TENM3: variants seen among roughly 807,000 people sequenced by gnomAD.
TENM3 encodes teneurin transmembrane protein 3, also known as teneurin-3.
A neutral mutation model predicts 255.1 loss-of-function variants in TENM3; 63 were observed. That is an observed-to-expected ratio of 0.25 (90% CI 0.20 to 0.30). TENM3 has a LOEUF of 0.30. Ranked by LOEUF, TENM3 falls within the 10% of genes least tolerant of loss-of-function variation. The pLI is 1.00. For missense variants in TENM3, 2,929 were observed against 3,461.1 expected, an observed-to-expected ratio of 0.85 and a Z score of 3.86; for synonymous variants, 1,306 against 1,322.3, an observed-to-expected ratio of 0.99 and a Z score of 0.27.
rs868242106 is a variant in TENM3, at chr4:182,161,654, C to G, written c.-76+16900C>G. Among the ~76,000 whole-genome samples, 201 of 77,668 alleles carry G rather than the reference C, an allele frequency of 2.6e-3. 4 individuals are homozygous for G. Among genetic ancestry groups the G allele is most frequent in the African/African-American group, 0.01 (185 of 18,108 alleles). 51.0% of individuals were successfully genotyped at this position (77,668 alleles called of 152,430 possible). ...ATATATATATGTATATATATATATA[C>G]ACACACACAAATATATATATGTATA... On this transcript the variant is annotated intron_variant, in intron 1 of 2. Coordinates refer to the TENM3 transcript ENST00000512480.
rs1366179856 is a variant in TENM3, at chr4:182,597,892, T to C, written c.512-3032T>C. On this transcript the variant is annotated intron_variant, in intron 3 of 27. Coordinates refer to ENST00000511685, the MANE Select transcript of TENM3 (RefSeq NM_001080477.4). Reference sequence around the variant, plus strand: ...TGGTCTGGTGCAGAATTTAAATTTCTGTCCAGGCCAGGCACAGTGGCTCAT... The same window carrying C: ...TGGTCTGGTGCAGAATTTAAATTTCCGTCCAGGCCAGGCACAGTGGCTCAT... 3.9e-5 allele frequency among the ~76,000 whole-genome samples: 6 copies of C among 152,332 alleles called. No homozygotes were observed. In the East Asian group the frequency reaches 9.7e-4, roughly 25 times the overall value.
At chr4:181,640,955 T>C in the TENM3 span, among the ~76,000 whole-genome samples, 2 of 152,188 alleles carry the variant, frequency 1.3e-5, no homozygotes, top group African/African-American at 4.8e-5. Flanking sequence ...GCTACTTCTT[T>C]TGAAAGGGTG....
At chr4:182,455,553 CTTTTTTTTT>C (rs568361419) in intron 3 of TENM3, among the ~76,000 whole-genome samples, 1 of 73,138 alleles carries the variant, frequency 1.4e-5, no homozygotes, top group Non-Finnish European at 2.5e-5. Flanking sequence ...CATGGTATTT[CTTTTTTTTT>C]TTTTTTTTTT....
chr4:181,643,044 A>C, the TENM3 span, among the ~76,000 whole-genome samples: 1 of 152,288 alleles, frequency 6.6e-6, no homozygotes, highest in East Asian at 1.9e-4. Context: ...CTGTAAAGAA[A>C]GTTAATGGTA....
At chr4:181,486,016 A>AG in the TENM3 span, among the ~76,000 whole-genome samples, 2 of 130,886 alleles carry the variant, frequency 1.5e-5, no homozygotes, top group Non-Finnish European at 3.4e-5. Flanking sequence ...AAAACTTGAG[A>AG]GAAAAAAAAA....
At chr4:182,761,508 C>T (rs1373050946) in intron 22 of TENM3, among the ~76,000 whole-genome samples, 2 of 151,984 alleles carry the variant, frequency 1.3e-5, no homozygotes, top group Non-Finnish European at 2.9e-5. Flanking sequence ...GCCATCCAAC[C>T]CTAAAAACTG....
At chr4:182,233,610 G>A (rs890129043) in intron 1 of TENM3, among the ~76,000 whole-genome samples, 4 of 152,170 alleles carry the variant, frequency 2.6e-5, no homozygotes, top group African/African-American at 9.6e-5. Context: ...TCTTTCTCTA[G>A]CATATATTTC....
rs1286031914 is a variant in TENM3 at position 182,446,590 on chromosome 4, A to AT, written c.511+99666dup. Among the ~76,000 whole-genome samples the AT allele has an allele frequency of 4.0e-5, 6 of 149,850 alleles. No individual in the cohort carries two copies. The East Asian group carries it at 1.2e-3, about 29-fold the overall frequency. ...GTGGTTGTCAAAAATCAAGGAGTGC[A>AT]TTTTTGAAGCATAGACAAGCCCCCA... On this transcript the variant is annotated intron_variant, in intron 3 of 27. Coordinates refer to ENST00000511685, the MANE Select transcript of TENM3 (RefSeq NM_001080477.4).
chr4:182,571,662 TC>T (rs2152021285), intron 3 of TENM3, among the ~76,000 whole-genome samples: 1 of 152,352 alleles, frequency 6.6e-6, no homozygotes, highest in South Asian at 2.1e-4. Flanking sequence ...GATTAGATTT[TC>T]CTGATAATAC....
the TENM3 span, among the ~76,000 whole-genome samples, chr4:181,502,708 T>C: frequency 1.3e-5 from 2 of 152,052 alleles, no homozygotes; most frequent in Admixed American, 6.6e-5. Flanking sequence ...ACCTGACCCA[T>C]AGGGAAAGAG....
the TENM3 span, among the ~76,000 whole-genome samples, chr4:181,595,830 T>C: frequency 1.3e-5 from 2 of 152,118 alleles, no homozygotes; most frequent in Admixed American, 1.3e-4. Flanking sequence ...TGGAACTCCA[T>C]TCTCTCAAAT....
the TENM3 span, among the ~76,000 whole-genome samples, chr4:182,134,267 C>T: frequency 6.6e-6 from 1 of 152,084 alleles, no homozygotes; most frequent in Admixed American, 6.5e-5. Context: ...ACTCTTGAGG[C>T]AAGATTCTAG....
chr4:181,961,864 T>C, the TENM3 span, among the ~76,000 whole-genome samples: 12 of 152,348 alleles, frequency 7.9e-5, no homozygotes, highest in African/African-American at 2.6e-4. Context: ...CTACTGCTGC[T>C]AAGTTTTACT....
the TENM3 span, among the ~76,000 whole-genome samples, chr4:182,107,803 G>C: frequency 6.6e-6 from 1 of 152,256 alleles, no homozygotes; most frequent in African/African-American, 2.4e-5. Context: ...AACTTCAAGA[G>C]GGGTTCAGTC....
Position 182,802,023 on chromosome 4 carries a change from CATGTCGTAAATATA to C in TENM3, c.*1674_*1687del, listed in dbSNP as rs1767009069. On this transcript the variant is annotated 3_prime_UTR_variant, in exon 28 of 28. Coordinates refer to ENST00000511685, the MANE Select transcript of TENM3 (RefSeq NM_001080477.4). The stretch of plus-strand genomic sequence containing the variant: ...ATGGTGATAAAATATAGCAAGTGAA[CATGTCGTAAATATA>C]AAGGTTCAAGTGATGTATTGAAAAT... The C allele has an allele frequency of 6.6e-6, 1 of 152,610 alleles. No individual in the cohort carries two copies. The highest frequency in any genetic ancestry group is 2.4e-5 in the African/African-American group (1 of 41,436). The allele number at this position is 152,610 out of a possible 1,614,324, so 9.5% of individuals were successfully genotyped here. A position where few individuals can be genotyped will look rare whatever the true frequency, so the allele number is the denominator to read the frequency against.
the TENM3 span, among the ~76,000 whole-genome samples, chr4:181,909,353 G>A: frequency 6.6e-6 from 1 of 152,142 alleles, no homozygotes; most frequent in Admixed American, 6.6e-5. Flanking sequence ...AATCAGGTGG[G>A]TCTATTCCCC....
At chr4:182,461,624 G>T (rs1732001698) in intron 3 of TENM3, among the ~76,000 whole-genome samples, 1 of 152,172 alleles carries the variant, frequency 6.6e-6, no homozygotes, top group African/African-American at 2.4e-5. Flanking sequence ...AGTATTAATA[G>T]AAGTAGAGAA....
the TENM3 span, among the ~76,000 whole-genome samples, chr4:182,117,939 T>C: frequency 0.32 from 48,108 of 152,072 alleles, 8,825 homozygotes; most frequent in Non-Finnish European, 0.43. Context: ...TCCATTTACA[T>C]ATTTCTTGTT....
At chr4:182,695,871 T>A (rs960814692) in intron 12 of TENM3, among the ~76,000 whole-genome samples, 39 of 152,240 alleles carry the variant, frequency 2.6e-4, no homozygotes, top group African/African-American at 9.2e-4. Flanking sequence ...TTCTTTTAGA[T>A]GAATATTTCT....
Sources: allele counts gnomAD v4.1 joint callset (sites outside exome capture counted in the v4.1 genomes callset), GRCh38; gene constraint gnomAD v4.1.1; transcripts MANE v1.5; gene names NCBI Gene and HGNC (gene_info 2026-07-23, HGNC 2026-07-21).